Variants in GOLGA4 observed in about 807,000 individuals in gnomAD.
The protein encoded by GOLGA4 is golgin subfamily A member 4.
Under a neutral mutation model 265.9 loss-of-function variants are expected in GOLGA4, and 169 were observed. That is an observed-to-expected ratio of 0.64 (90% CI 0.56 to 0.72). GOLGA4 has a LOEUF of 0.72. Among genes scored for constraint, GOLGA4 ranks in the 30% least tolerant of loss-of-function variants. GOLGA4 has a pLI of 0.00. For missense variants in GOLGA4, 2,482 were observed against 2,483.4 expected, an observed-to-expected ratio of 1.00 and a Z score of 0.01; for synonymous variants, 923 against 855.8, an observed-to-expected ratio of 1.08 and a Z score of -1.37.
At chr3:37,354,763 A>G (rs1057418529) in intron 21 of GOLGA4, among the ~76,000 whole-genome samples, 1 of 152,128 alleles carries the variant, frequency 6.6e-6, no homozygotes, top group Non-Finnish European at 1.5e-5. Flanking sequence ...TTGGCAATAC[A>G]TCACTTACTA....
At chr3:37,263,611 A>G (rs1192132695) in intron 2 of GOLGA4, among the ~76,000 whole-genome samples, 2 of 152,206 alleles carry the variant, frequency 1.3e-5, no homozygotes, top group African/African-American at 4.8e-5. Flanking sequence ...GTGTTTATTT[A>G]GGAAGGAAAT....
chr3:37,270,397 T>C (rs958649414), intron 2 of GOLGA4, among the ~76,000 whole-genome samples: 16 of 151,462 alleles, frequency 1.1e-4, no homozygotes, highest in Non-Finnish European at 1.2e-4. Context: ...TTTATATTTT[T>C]AGTAGAGATG....
chr3:37,346,539 C>T (rs546426521), intron 20 of GOLGA4, among the ~76,000 whole-genome samples: 1 of 152,042 alleles, frequency 6.6e-6, no homozygotes, highest in South Asian at 2.1e-4. Context: ...TACATTATAT[C>T]TTTATGTCAC....
At chr3:37,313,061 G>A in intron 10 of GOLGA4, among the ~76,000 whole-genome samples, 1 of 152,052 alleles carries the variant, frequency 6.6e-6, no homozygotes, top group East Asian at 1.9e-4. Context: ...AAATTAGCCC[G>A]GTCTGGTGGC....
At chr3:37,336,685 C>T (rs900627099) in intron 17 of GOLGA4, among the ~76,000 whole-genome samples, 4 of 151,790 alleles carry the variant, frequency 2.6e-5, no homozygotes, top group Non-Finnish European at 5.9e-5. Context: ...GCAGGAGAAT[C>T]GCTTGAACCC....
rs759196688 is a variant in GOLGA4, at chr3:37,326,539, C to A, written c.4653C>A (p.Tyr1551Ter). The A allele has an allele frequency of 1.9e-6, 3 of 1,607,240 alleles. No homozygotes were observed. Among genetic ancestry groups the A allele is most frequent in the Non-Finnish European group, 1.7e-6 (2 of 1,176,302 alleles). Residue 1551 changes from tyrosine to a stop codon, truncating the protein, a stop_gained, in exon 14 of 24, where the codon TAC (tyrosine) becomes TAA (stop). Coordinates refer to ENST00000361924, the MANE Select transcript of GOLGA4 (RefSeq NM_002078.5). LOFTEE classifies it high-confidence loss of function. ...IESLNEVLKN[Y>*]NQQKDIEHKE... The stretch of plus-strand genomic sequence containing the variant: ...CCTTAAATGAAGTTCTTAAAAATTA[C>A]AATCAACAAAAGGATATTGAACACA...
chr3:37,350,219 A>G (rs1403997272), intron 21 of GOLGA4, among the ~76,000 whole-genome samples: 1 of 152,164 alleles, frequency 6.6e-6, no homozygotes, highest in Non-Finnish European at 1.5e-5. Context: ...GGTGTGGCAA[A>G]GAGCCTGGGC....
intron 20 of GOLGA4, among the ~76,000 whole-genome samples, chr3:37,343,809 T>G (rs1355351447): frequency 6.6e-6 from 1 of 152,232 alleles, no homozygotes; most frequent in Admixed American, 6.5e-5. Context: ...AAGGAAGTTG[T>G]GTAATTCTTG....
At chr3:37,254,737 C>T (rs1237570323) in intron 2 of GOLGA4, among the ~76,000 whole-genome samples, 1 of 151,294 alleles carries the variant, frequency 6.6e-6, no homozygotes, top group Non-Finnish European at 1.5e-5. Flanking sequence ...CTCTTGACTT[C>T]GCGATCTGCC....
At chr3:37,280,370 CTT>C (rs1213417174) in intron 2 of GOLGA4, among the ~76,000 whole-genome samples, 1 of 152,260 alleles carries the variant, frequency 6.6e-6, no homozygotes, top group East Asian at 1.9e-4. Flanking sequence ...AGTGTACACA[CTT>C]TGTTTCATGT....
chr3:37,342,630 A>T (rs1436008515), intron 20 of GOLGA4, among the ~76,000 whole-genome samples: 1 of 152,174 alleles, frequency 6.6e-6, no homozygotes, highest in Non-Finnish European at 1.5e-5. Flanking sequence ...GCTTAATATA[A>T]GGTTTGAGAG....
intron 16 of GOLGA4, among the ~76,000 whole-genome samples, chr3:37,332,053 A>G (rs570247174): frequency 6.6e-6 from 1 of 152,288 alleles, no homozygotes; most frequent in Non-Finnish European, 1.5e-5. Context: ...CCCTTACTGC[A>G]GTCCTTTTTC....
intron 16 of GOLGA4, among the ~76,000 whole-genome samples, chr3:37,331,206 A>G (rs1296321692): frequency 1.3e-5 from 2 of 152,242 alleles, no homozygotes; most frequent in African/African-American, 2.4e-5. Context: ...TATTAAAAAT[A>G]TATACATACA....
At chr3:37,276,647 T>C in intron 2 of GOLGA4, 6 of 1,480,186 alleles carry the variant, frequency 4.1e-6, no homozygotes, top group Non-Finnish European at 5.6e-6. Flanking sequence ...ACGGATTTTG[T>C]AACTAGCTTT....
At chr3:37,350,905 A>G (rs1381550568) in intron 21 of GOLGA4, among the ~76,000 whole-genome samples, 2 of 152,104 alleles carry the variant, frequency 1.3e-5, no homozygotes, top group Non-Finnish European at 2.9e-5. Flanking sequence ...TTGCTAGTGG[A>G]GGATATTACC....
chr3:37,315,569 G>A lies in GOLGA4; in HGVS notation c.1384G>A (p.Val462Met). 4.3e-6 allele frequency: 7 copies of A among 1,613,802 alleles called. No individual in the cohort carries two copies. Among genetic ancestry groups the A allele is most frequent in the Non-Finnish European group, 5.9e-6 (7 of 1,179,768 alleles). ...CAGTCTTCAACAGGAATTAAGTCGG[G>A]TGAAACAGGAGGTTGTTGATGTAAT... is the stretch of plus-strand genomic sequence containing the variant. ...RISLQQELSR[V>M]KQEVVDVMKK... is the part of the protein sequence containing the mutation. The change falls in exon 11 of 24, where the codon GTG becomes ATG. Residue 462 changes from valine (V) to methionine (M), a missense_variant. Physicochemically the swap from Val to Met is conservative, Grantham distance 21. Coordinates refer to ENST00000361924, the MANE Select transcript of GOLGA4 (RefSeq NM_002078.5).
chr3:37,316,401 G>A (rs1039416732), intron 11 of GOLGA4, among the ~76,000 whole-genome samples: 1 of 152,054 alleles, frequency 6.6e-6, no homozygotes, highest in African/African-American at 2.4e-5. Flanking sequence ...TATAACTCAT[G>A]GTAAGGTTTC....
At chr3:37,291,046 A>G (rs767503559) in intron 5 of GOLGA4, among the ~76,000 whole-genome samples, 4 of 152,184 alleles carry the variant, frequency 2.6e-5, no homozygotes, top group Non-Finnish European at 4.4e-5. Flanking sequence ...CTGGTGAGAA[A>G]TTAAATGCCC....
chr3:37,321,931 G>T, intron 13 of GOLGA4, 45 bp downstream of exon 13: 2 of 1,503,072 alleles, frequency 1.3e-6, no homozygotes, highest in Non-Finnish European at 1.8e-6. Context: ...GAAATTATTT[G>T]CATATGAAAA....
Sources: allele counts gnomAD v4.1 joint callset (sites outside exome capture counted in the v4.1 genomes callset), GRCh38; gene constraint gnomAD v4.1.1; transcripts MANE v1.5; gene names NCBI Gene and HGNC (gene_info 2026-07-23, HGNC 2026-07-21).